CNOT6L: variants seen among roughly 807,000 people sequenced by gnomAD.
CNOT6L encodes CCR4-NOT transcription complex subunit 6-like.
In CNOT6L, 7 loss-of-function variants were observed where a neutral mutation model predicts 64.0. The observed-to-expected ratio is 0.11, with a 90% confidence interval of 0.06 to 0.21. The LOEUF (loss-of-function observed/expected upper bound fraction) is 0.21, where lower values mean the gene tolerates loss of function less well. CNOT6L is among the 10% of genes least tolerant of loss of function. CNOT6L has a pLI of 1.00. For missense variants in CNOT6L, 245 were observed against 669.0 expected (o/e 0.37, Z 6.99); for synonymous variants, 193 against 243.4 (o/e 0.79, Z 1.93).
At chr4:77,752,990 G>A (rs1300357783) in intron 5 of CNOT6L, among the ~76,000 whole-genome samples, 2 of 151,458 alleles carry the variant, frequency 1.3e-5, no homozygotes, top group Admixed American at 6.6e-5. Flanking sequence ...ATGGAAAAAA[G>A]ACATCACTAC....
chr4:77,818,423 C>T (rs1342814631), intron 1 of CNOT6L, among the ~76,000 whole-genome samples: 1 of 152,076 alleles, frequency 6.6e-6, no homozygotes, highest in Non-Finnish European at 1.5e-5. Context: ...TTCCTCAGCC[C>T]TTCCAAGAAA....
intron 5 of CNOT6L, among the ~76,000 whole-genome samples, chr4:77,749,010 C>T (rs1034795945): frequency 4.1e-4 from 62 of 152,278 alleles, no homozygotes; most frequent in African/African-American, 1.5e-3. Context: ...TAACTACCCC[C>T]TTTTCTTTTC....
chr4:77,772,942 C>A, intron 4 of CNOT6L, 139 bp downstream of exon 4: 1 of 619,424 alleles, frequency 1.6e-6, no homozygotes. Flanking sequence ...AACAAACAAA[C>A]AAACAAAAAC....
chr4:77,734,736 GAT>G (rs141051504), intron 8 of CNOT6L, among the ~76,000 whole-genome samples: 4,884 of 151,974 alleles, frequency 0.032, 250 homozygotes, highest in African/African-American at 0.11. Context: ...ATTTTTTACA[GAT>G]ATGTAAGATA....
At chr4:77,738,650 G>A (rs1354900390) in intron 8 of CNOT6L, among the ~76,000 whole-genome samples, 2 of 150,318 alleles carry the variant, frequency 1.3e-5, no homozygotes, top group Non-Finnish European at 2.9e-5. Flanking sequence ...CTACTCAGGA[G>A]GCTAAGGCAG....
At chr4:77,758,717 G>A (rs888617069) in intron 4 of CNOT6L, among the ~76,000 whole-genome samples, 3 of 152,190 alleles carry the variant, frequency 2.0e-5, no homozygotes, top group Non-Finnish European at 4.4e-5. Context: ...AACTCCAAGA[G>A]GGCCTAGTCT....
intron 4 of CNOT6L, 100 bp downstream of exon 4, chr4:77,772,981 A>G: frequency 1.5e-6 from 1 of 685,340 alleles, no homozygotes; most frequent in East Asian, 2.9e-5. Flanking sequence ...AAGTACACGT[A>G]GTCACATTCT....
At chr4:77,737,403 GTTCTTTTTTTTTT>G (rs1560579128) in intron 8 of CNOT6L, among the ~76,000 whole-genome samples, 1 of 116,048 alleles carries the variant, frequency 8.6e-6, no homozygotes, top group Non-Finnish European at 1.7e-5. Flanking sequence ...TATTTGTACC[GTTCTTTTTTTTTT>G]TTTTTTTTTT....
At chr4:77,777,370 T>C (rs1356117259) in intron 1 of CNOT6L, among the ~76,000 whole-genome samples, 5 of 152,220 alleles carry the variant, frequency 3.3e-5, no homozygotes, top group Non-Finnish European at 1.5e-5. Flanking sequence ...AGCACATAAC[T>C]ATACTGTGCC....
chr4:77,734,056 G>A (rs1366670003), intron 8 of CNOT6L, among the ~76,000 whole-genome samples: 1 of 152,100 alleles, frequency 6.6e-6, no homozygotes, highest in African/African-American at 2.4e-5. Flanking sequence ...ATGAACTACA[G>A]CCTTCTTCAT....
intron 11 of CNOT6L, among the ~76,000 whole-genome samples, chr4:77,721,199 A>G (rs1721238291): frequency 6.6e-6 from 1 of 152,204 alleles, no homozygotes; most frequent in Admixed American, 6.6e-5. Context: ...TTCTATTCTT[A>G]ATTTAAAATA....
intron 1 of CNOT6L, among the ~76,000 whole-genome samples, chr4:77,787,510 C>A (rs1340163515): frequency 6.6e-6 from 1 of 152,144 alleles, no homozygotes; most frequent in Non-Finnish European, 1.5e-5. Flanking sequence ...CAAACTATAG[C>A]ATGGCGTTTC....
intron 11 of CNOT6L, among the ~76,000 whole-genome samples, chr4:77,721,527 A>C (rs1721273017): frequency 6.6e-6 from 1 of 152,202 alleles, no homozygotes; most frequent in Non-Finnish European, 1.5e-5. Context: ...TCCAGCCAAT[A>C]CTTTAAATGG....
At chr4:77,789,455 C>T (rs1560426483) in intron 1 of CNOT6L, among the ~76,000 whole-genome samples, 1 of 151,856 alleles carries the variant, frequency 6.6e-6, no homozygotes, top group Non-Finnish European at 1.5e-5. Flanking sequence ...GGTGGGAGGG[C>T]TGTTTGAGGC....
intron 6 of CNOT6L, among the ~76,000 whole-genome samples, chr4:77,745,725 AC>A (rs1350611778): frequency 2.6e-5 from 4 of 152,230 alleles, no homozygotes; most frequent in African/African-American, 9.6e-5. Flanking sequence ...CTGACTCCAG[AC>A]TAATTAAGTT....
intron 1 of CNOT6L, among the ~76,000 whole-genome samples, chr4:77,782,770 C>A (rs1200210353): frequency 6.6e-6 from 1 of 151,862 alleles, no homozygotes; most frequent in Non-Finnish European, 1.5e-5. Context: ...GTCACCACTA[C>A]AACCAACTAT....
chr4:77,727,968 T>G (rs987798228), intron 10 of CNOT6L, among the ~76,000 whole-genome samples: 1 of 152,216 alleles, frequency 6.6e-6, no homozygotes, highest in Non-Finnish European at 1.5e-5. Flanking sequence ...TTACTTACTT[T>G]AAATAACTTA....
chr4:77,818,886 C>T (rs1053631410), intron 1 of CNOT6L: 1 of 439,954 alleles, frequency 2.3e-6, no homozygotes, highest in South Asian at 2.0e-5. Context: ...CGGCGCGGCA[C>T]CGACCAGCAG....
chr4:77,768,106 G>A (rs1727072156), intron 4 of CNOT6L, among the ~76,000 whole-genome samples: 1 of 151,810 alleles, frequency 6.6e-6, no homozygotes, highest in South Asian at 2.1e-4. Flanking sequence ...CAAGATTTCT[G>A]TTATTAACAA....
Sources: allele counts gnomAD v4.1 joint callset (sites outside exome capture counted in the v4.1 genomes callset), GRCh38; gene constraint gnomAD v4.1.1; transcripts MANE v1.5; gene names NCBI Gene and HGNC (gene_info 2026-07-23, HGNC 2026-07-21).